The following DEPDC5 variants were observed in gnomAD, a reference collection of about 807,000 sequenced individuals.
The protein encoded by DEPDC5 is DEP domain containing 5, GATOR1 subcomplex subunit.
DEPDC5 carries 73 observed loss-of-function variants against 217.3 expected under a neutral mutation model. The observed-to-expected ratio is 0.34, with a 90% CI of 0.28 to 0.41. DEPDC5 has a LOEUF of 0.41. DEPDC5 is among the 10% of genes least tolerant of loss of function. The pLI is 1.00. For missense variants in DEPDC5, 1,675 were observed against 2,070.1 expected (o/e 0.81, Z 3.70); for synonymous variants, 733 against 756.7 (o/e 0.97, Z 0.51).
intron 38 of DEPDC5, among the ~76,000 whole-genome samples, chr22:31,888,040 T>G (rs2093355225): frequency 6.6e-6 from 1 of 152,252 alleles, no homozygotes; most frequent in East Asian, 1.9e-4. Context: ...AAGTTAGCAT[T>G]GGAAGTCTGT....
At chr22:31,822,014 T>C (rs1289512540) in intron 23 of DEPDC5, among the ~76,000 whole-genome samples, 1 of 152,246 alleles carries the variant, frequency 6.6e-6, no homozygotes, top group East Asian at 1.9e-4. Context: ...TCTCTGACTT[T>C]TGTGATTTTG....
intron 33 of DEPDC5, among the ~76,000 whole-genome samples, chr22:31,862,280 C>T (rs1469143939): frequency 6.7e-6 from 1 of 148,968 alleles, no homozygotes; most frequent in African/African-American, 2.5e-5. Flanking sequence ...AAGATTTGGA[C>T]GAGGCCAGGC....
rs375828384 is a variant in DEPDC5, at chr22:31,884,217, C to G, written c.4033+4465C>G. 4.1e-4 allele frequency among the ~76,000 whole-genome samples: 62 copies of G among 152,328 alleles called. 2 individuals carry two copies. In the South Asian group the frequency reaches 0.011, roughly 28 times the overall value. The stretch of plus-strand genomic sequence containing the variant: ...TCTGTCCCCACTCTTCTGCCTCCCC[C>G]TGATGCAGCATCTCCACCTGCACAC... On this transcript the variant is annotated intron_variant, in intron 38 of 42. Transcript: ENST00000651528.
At chr22:31,801,062 G>A (rs2086819771) in intron 14 of DEPDC5, among the ~76,000 whole-genome samples, 1 of 151,774 alleles carries the variant, frequency 6.6e-6, no homozygotes. Flanking sequence ...GGAGGCTTAG[G>A]CAGCGGGATC....
intron 31 of DEPDC5, among the ~76,000 whole-genome samples, chr22:31,854,733 G>C (rs2092200529): frequency 6.6e-6 from 1 of 152,098 alleles, no homozygotes; most frequent in South Asian, 2.1e-4. Flanking sequence ...CAAATCCCTT[G>C]ATGTAACTTC....
At position 31,797,262 on chromosome 22, in the gene DEPDC5, G is replaced by T. The variant is rs2086347105; in HGVS notation, c.768-338G>T. Among the ~76,000 whole-genome samples the T allele has an allele frequency of 2.0e-5, 3 of 152,130 alleles. 1 individual carries two copies. Among genetic ancestry groups the T allele is most frequent in the Admixed American group, 2.0e-4 (3 of 15,252 alleles). On this transcript the variant is annotated intron_variant, in intron 12 of 42. Coordinates refer to ENST00000651528, the MANE Select transcript of DEPDC5 (RefSeq NM_001242896.3). ...ACTGGGTAATTTATAAAGAAAAAAG[G>T]TTTAATTGACTCATGGTTCTGCATG...
intron 26 of DEPDC5, 141 bp downstream of exon 26, chr22:31,837,296 G>C (rs527622520): frequency 2.0e-4 from 154 of 768,546 alleles, no homozygotes; most frequent in Middle Eastern, 1.3e-3. Context: ...GATTAGCATG[G>C]CCGTTAAATA....
chr22:31,754,940 T>C lies in DEPDC5; in HGVS notation c.19T>C (p.Tyr7His), dbSNP rs2075191658. MRTTKVYKLVIHKKGFG... is the reference protein window; with the variant it reads MRTTKVHKLVIHKKGFG... Reference sequence around the variant, plus strand: ...GTGCAAGATGAGAACAACAAAGGTCTACAAACTCGTCATCCACAAGAAGGG... The same window carrying C: ...GTGCAAGATGAGAACAACAAAGGTCCACAAACTCGTCATCCACAAGAAGGG... Residue 7 changes from tyrosine (Y) to histidine (H), a missense_variant, in exon 2 of 43, where the codon TAC becomes CAC. Tyr to His is a moderately conservative substitution (Grantham distance 83). This residue lies in a region of DEPDC5 where 628 missense variants were observed against 762.1 expected (regional missense o/e 0.82). Coordinates refer to ENST00000651528, the MANE Select transcript of DEPDC5 (RefSeq NM_001242896.3). 2 of 1,614,108 alleles carry C rather than the reference T, an allele frequency of 1.2e-6. No homozygotes were observed. Among genetic ancestry groups the C allele is most frequent in the Non-Finnish European group, 1.7e-6 (2 of 1,180,048 alleles).
At chr22:31,781,811 G>T (rs2084477238) in intron 8 of DEPDC5, among the ~76,000 whole-genome samples, 2 of 152,148 alleles carry the variant, frequency 1.3e-5, no homozygotes, top group Admixed American at 6.5e-5. Flanking sequence ...AGGTGGGGGG[G>T]ATTGCTTGAG....
chr22:31,891,647 A>G (rs1340387082), intron 38 of DEPDC5, among the ~76,000 whole-genome samples: 1 of 152,202 alleles, frequency 6.6e-6, no homozygotes, highest in Non-Finnish European at 1.5e-5. Context: ...CCCAGAACTA[A>G]ACTGACCACT....
chr22:31,869,774 G>A (rs1190493520), intron 33 of DEPDC5, among the ~76,000 whole-genome samples: 1 of 152,086 alleles, frequency 6.6e-6, no homozygotes, highest in Non-Finnish European at 1.5e-5. Context: ...CTGTGAGTCG[G>A]TTTTCAGTGT....
intron 21 of DEPDC5, 130 bp downstream of exon 21, chr22:31,815,342 G>C: frequency 2.2e-6 from 2 of 891,480 alleles, no homozygotes. Context: ...CAGTGCAGTA[G>C]GTACAAATCA....
chr22:31,806,312 C>A, intron 18 of DEPDC5, 121 bp downstream of exon 18: 1 of 778,206 alleles, frequency 1.3e-6, no homozygotes, highest in Non-Finnish European at 2.0e-6. Context: ...CAGACATGAG[C>A]CATTCTGCCC....
intron 7 of DEPDC5, among the ~76,000 whole-genome samples, chr22:31,771,642 C>T (rs1220974905): frequency 6.7e-6 from 1 of 149,592 alleles, no homozygotes; most frequent in Non-Finnish European, 1.5e-5. Context: ...ATCGCTTGAA[C>T]CAGGGAGTCA....
At chr22:31,856,951 A>G (rs1349054169) in intron 31 of DEPDC5, among the ~76,000 whole-genome samples, 1 of 152,030 alleles carries the variant, frequency 6.6e-6, no homozygotes, top group Non-Finnish European at 1.5e-5. Flanking sequence ...TTGTATTTTT[A>G]GTAGAGATGG....
intron 12 of DEPDC5, among the ~76,000 whole-genome samples, chr22:31,794,232 G>T (rs2085997016): frequency 6.6e-6 from 1 of 152,160 alleles, no homozygotes; most frequent in South Asian, 2.1e-4. Context: ...TTTTATGAGA[G>T]TGATGGGCCA....
chr22:31,773,701 T>G (rs1345432796), intron 7 of DEPDC5, among the ~76,000 whole-genome samples: 1 of 152,224 alleles, frequency 6.6e-6, no homozygotes, highest in Non-Finnish European at 1.5e-5. Context: ...TATAGTCATT[T>G]GTATAGTTAA....
rs750997667 is a variant in DEPDC5, at chr22:31,906,088, T to G, written c.4519+22T>G. 9 of 1,614,018 alleles carry G rather than the reference T, an allele frequency of 5.6e-6. No homozygotes were observed. The highest frequency in any genetic ancestry group is 3.3e-5 in the Admixed American group (2 of 60,020). On this transcript the variant is annotated intron_variant, in intron 42 of 42. Coordinates refer to ENST00000651528, the MANE Select transcript of DEPDC5 (RefSeq NM_001242896.3). This position sits in a 1 kb window ranked among gnomAD's most constrained non-coding sequence, Gnocchi z 5.1. ...ACAGGTGAGGAGCTACGGGCAGAGT[T>G]GGGCAGGTGGGTCCACATCCCTTTC...
intron 38 of DEPDC5, among the ~76,000 whole-genome samples, chr22:31,888,562 G>GT (rs1372219100): frequency 7.0e-6 from 1 of 143,586 alleles, no homozygotes; most frequent in Non-Finnish European, 1.5e-5. Context: ...CTTTGTTTGT[G>GT]TTTTTGACAC....
Sources: allele counts gnomAD v4.1 joint callset (sites outside exome capture counted in the v4.1 genomes callset), GRCh38; gene constraint gnomAD v4.1.1; regional missense constraint gnomAD v4.1.1; non-coding constraint Gnocchi (gnomAD v3.1); transcripts MANE v1.5; gene names NCBI Gene and HGNC (gene_info 2026-07-23, HGNC 2026-07-21).